The following ARPC1A variants were observed in gnomAD, a reference collection of about 807,000 sequenced individuals.
ARPC1A encodes actin related protein 2/3 complex subunit 1A, also known as actin-related protein 2/3 complex subunit 1A.
Under a neutral mutation model 46.9 loss-of-function variants are expected in ARPC1A, and 8 were observed. That is an observed-to-expected ratio of 0.17 (90% CI 0.10 to 0.31). The LOEUF (loss-of-function observed/expected upper bound fraction) is 0.31. ARPC1A is among the 10% of genes least tolerant of loss of function. ARPC1A has a pLI of 1.00. For missense variants in ARPC1A, 286 were observed against 483.6 expected, an observed-to-expected ratio of 0.59 and a Z score of 3.83; for synonymous variants, 152 against 169.0, an observed-to-expected ratio of 0.90 and a Z score of 0.78.
At chr7:99,359,045 A>T (rs1390105605) in intron 7 of ARPC1A, among the ~76,000 whole-genome samples, 1 of 144,724 alleles carries the variant, frequency 6.9e-6, no homozygotes, top group Non-Finnish European at 1.5e-5. Flanking sequence ...GTTAGCCAGG[A>T]TGGTCTCAAT....
At chr7:99,339,386 C>T (rs1185885734) in intron 3 of ARPC1A, among the ~76,000 whole-genome samples, 1 of 152,084 alleles carries the variant, frequency 6.6e-6, no homozygotes, top group Non-Finnish European at 1.5e-5. Flanking sequence ...CCCGTTAGCA[C>T]GGTGTGGTGG....
intron 8 of ARPC1A, among the ~76,000 whole-genome samples, chr7:99,360,654 G>A (rs1344354279): frequency 1.3e-5 from 2 of 152,064 alleles, no homozygotes; most frequent in Non-Finnish European, 2.9e-5. Context: ...AGGTCTAGAG[G>A]AGAGGCTGGG....
At chr7:99,338,417 ACT>A in intron 3 of ARPC1A, 132 bp downstream of exon 3, 1 of 540,288 alleles carries the variant, frequency 1.9e-6, no homozygotes, top group Non-Finnish European at 2.9e-6. Context: ...AAGGAGTATC[ACT>A]CTTTCGCCCA....
At position 99,359,555 on chromosome 7, in the gene ARPC1A, G is replaced by C; in HGVS notation, c.800G>C (p.Cys267Ser). 6.2e-7 allele frequency: 1 copy of C among 1,614,028 alleles called. No individual in the cohort carries two copies. Among genetic ancestry groups the C allele is most frequent in the Non-Finnish European group, 8.5e-7 (1 of 1,180,022 alleles). Reference protein sequence around the residue: ...ENSVVAAGHDCCPMLFNYDDR... With the variant: ...ENSVVAAGHDSCPMLFNYDDR... ...TGAGTCTTGTTTCAGGGCCATGACT[G>C]CTGCCCAATGCTCTTTAACTACGAT... The change falls in exon 8 of 10, where the codon TGC (cysteine) becomes TCC (serine). Residue 267 changes from cysteine to serine, a missense_variant. This residue lies in a region of ARPC1A where 182 missense variants were observed against 276.7 expected (regional missense o/e 0.66). Transcript: ENST00000262942.
At chr7:99,344,794 T>C (rs1432374567) in intron 4 of ARPC1A, among the ~76,000 whole-genome samples, 1 of 151,896 alleles carries the variant, frequency 6.6e-6, no homozygotes, top group Non-Finnish European at 1.5e-5. Context: ...CTGCGCAAAT[T>C]GCTGTTTTCT....
chr7:99,344,788 G>A (rs1028212323), intron 4 of ARPC1A, among the ~76,000 whole-genome samples: 10 of 150,338 alleles, frequency 6.7e-5, no homozygotes, highest in South Asian at 2.1e-4. Context: ...TCTATACTGC[G>A]CAAATTGCTG....
At chr7:99,360,470 C>T (rs1202454474) in intron 8 of ARPC1A, among the ~76,000 whole-genome samples, 4 of 151,886 alleles carry the variant, frequency 2.6e-5, no homozygotes, top group Non-Finnish European at 5.9e-5. Flanking sequence ...GGATTACAGG[C>T]GTGTGCCACC....
At chr7:99,353,626 C>T (rs761291499) in intron 5 of ARPC1A, among the ~76,000 whole-genome samples, 5 of 151,776 alleles carry the variant, frequency 3.3e-5, no homozygotes, top group African/African-American at 9.7e-5. Context: ...TACAGGCATG[C>T]GCCCCCACGC....
At chr7:99,352,417 G>C (rs1793558338) in intron 5 of ARPC1A, among the ~76,000 whole-genome samples, 1 of 152,134 alleles carries the variant, frequency 6.6e-6, no homozygotes, top group Non-Finnish European at 1.5e-5. Flanking sequence ...AGCACTTTGG[G>C]AGGCTGAGGC....
intron 4 of ARPC1A, among the ~76,000 whole-genome samples, chr7:99,345,224 G>A (rs937449896): frequency 1.3e-5 from 2 of 151,804 alleles, no homozygotes; most frequent in Admixed American, 6.6e-5. Flanking sequence ...GAGCCACCAC[G>A]CCTGGTCAAT....
rs565452476 is a variant in ARPC1A, at chr7:99,358,226, T to C, written c.714-114T>C. The C allele has an allele frequency of 8.6e-5, 83 of 966,272 alleles. 1 individual carries two copies. Among genetic ancestry groups the C allele is most frequent in the South Asian group, 7.3e-4 (49 of 67,154 alleles). 59.9% of individuals were successfully genotyped at this position (966,272 alleles called of 1,614,324 possible). On this transcript the variant is annotated intron_variant, in intron 6 of 9. Transcript: ENST00000262942. ...GTCAGGGGCTCCTTTTCAACATAAG[T>C]GCCCATTGATACTGCAGAAGCCCCT...
At chr7:99,334,004 TAC>T (rs547756931) in intron 2 of ARPC1A, among the ~76,000 whole-genome samples, 5,654 of 140,888 alleles carry the variant, frequency 0.04, 105 homozygotes, top group African/African-American at 0.052. Flanking sequence ...TGTGTGTGTG[TAC>T]ACACACACAC....
intron 1 of ARPC1A, among the ~76,000 whole-genome samples, chr7:99,332,978 C>T (rs1166676378): frequency 6.6e-6 from 1 of 151,852 alleles, no homozygotes; most frequent in Non-Finnish European, 1.5e-5. Flanking sequence ...TTCACTGCAA[C>T]CTCTGCCTCC....
chr7:99,358,535 A>AATTTTT, intron 7 of ARPC1A, 120 bp downstream of exon 7: 1 of 516,462 alleles, frequency 1.9e-6, no homozygotes, highest in Non-Finnish European at 3.0e-6. Flanking sequence ...AACAGAGCTC[A>AATTTTT]CTTTTTTTTT....
At chr7:99,355,989 G>T (rs959542262) in intron 6 of ARPC1A, among the ~76,000 whole-genome samples, 4 of 152,200 alleles carry the variant, frequency 2.6e-5, no homozygotes, top group Non-Finnish European at 5.9e-5. Context: ...CAGCCATAAA[G>T]TACTTGGCCA....
chr7:99,358,919 C>G (rs1793689294), intron 7 of ARPC1A: 1 of 153,362 alleles, frequency 6.5e-6, no homozygotes, highest in African/African-American at 2.4e-5. Context: ...GCAAGCTCCG[C>G]CTCCCGGGTT....
intron 4 of ARPC1A, 99 bp from the exon 5 acceptor site, chr7:99,348,753 A>T: frequency 1.4e-6 from 1 of 709,422 alleles, no homozygotes. Flanking sequence ...ATTAAGGAAA[A>T]GTGTGGCCTA....
intron 1 of ARPC1A, among the ~76,000 whole-genome samples, chr7:99,327,556 A>G (rs1352993597): frequency 1.3e-5 from 2 of 150,888 alleles, no homozygotes; most frequent in Non-Finnish European, 2.9e-5. Context: ...TCCTAAGCTC[A>G]AGCTATCCTC....
chr7:99,337,418 T>A (rs1793274476), intron 2 of ARPC1A, among the ~76,000 whole-genome samples: 1 of 151,856 alleles, frequency 6.6e-6, no homozygotes, highest in Non-Finnish European at 1.5e-5. Flanking sequence ...CAAAACACTA[T>A]CTCAAAAAAG....
Sources: allele counts gnomAD v4.1 joint callset (sites outside exome capture counted in the v4.1 genomes callset), GRCh38; gene constraint gnomAD v4.1.1; regional missense constraint gnomAD v4.1.1; transcripts MANE v1.5; gene names NCBI Gene and HGNC (gene_info 2026-07-23, HGNC 2026-07-21).